SLC5A1: variants seen among roughly 807,000 people sequenced by gnomAD.
SLC5A1 encodes sodium/glucose cotransporter 1.
SLC5A1 carries 42 observed loss-of-function variants against 73.5 expected under a neutral mutation model. The ratio of observed to expected loss-of-function variants is 0.57; its 90% CI spans 0.45 to 0.74. SLC5A1 has a LOEUF of 0.74. SLC5A1 is among the 30% of genes least tolerant of loss of function. The probability of loss-of-function intolerance (pLI) is 0.00; values close to 1 mark genes in which losing one functional copy is unlikely to be tolerated. For synonymous variants in SLC5A1, 300 were observed against 317.4 expected (o/e 0.95, Z 0.58); for missense variants, 634 against 855.4 (o/e 0.74, Z 3.23).
intron 11 of SLC5A1, among the ~76,000 whole-genome samples, chr22:32,098,858 G>A (rs528279104): frequency 3.3e-5 from 5 of 151,744 alleles, no homozygotes; most frequent in East Asian, 1.9e-4. Context: ...AGGCCGAGGC[G>A]GGCGGATCAC....
intron 11 of SLC5A1, among the ~76,000 whole-genome samples, chr22:32,098,648 T>C (rs1437914186): frequency 1.3e-5 from 2 of 152,244 alleles, no homozygotes; most frequent in African/African-American, 2.4e-5. Context: ...TTCATAGGCA[T>C]GAATGACTTT....
chr22:32,104,969 T>G, intron 14 of SLC5A1, 78 bp downstream of exon 14: 1 of 1,032,740 alleles, frequency 9.7e-7, no homozygotes, highest in Non-Finnish European at 1.5e-6. Flanking sequence ...AGTTCTTCCC[T>G]AAATAATTTT....
At position 32,110,203 on chromosome 22, in the gene SLC5A1, A is replaced by G; in HGVS notation, c.1985A>G (p.Tyr662Cys). Residue 662 changes from tyrosine to cysteine, a missense_variant, in exon 15 of 15, where the codon TAT becomes TGT. Physicochemically the swap from Tyr to Cys is radical, Grantham distance 194. Transcript: ENST00000266088. ...ACCGTGGCTGTCTTTTGCCATGCATATTTTGCCTGAGTCCTACCTTTTGCT... is the reference window on the plus strand; with the variant it reads ...ACCGTGGCTGTCTTTTGCCATGCATGTTTTGCCTGAGTCCTACCTTTTGCT... ...LVTVAVFCHA[Y>C]FA 2 of 1,612,520 alleles carry G rather than the reference A, an allele frequency of 1.2e-6. No individual in the cohort carries two copies. The highest frequency in any genetic ancestry group is 1.1e-5 in the South Asian group (1 of 91,024).
At chr22:32,066,245 A>T (rs2093972855) in intron 2 of SLC5A1, among the ~76,000 whole-genome samples, 1 of 152,128 alleles carries the variant, frequency 6.6e-6, no homozygotes. Flanking sequence ...ACATGTGCGT[A>T]TCCTTGAAAA....
chr22:32,055,593 T>C (rs1488908170), intron 2 of SLC5A1, among the ~76,000 whole-genome samples: 1 of 152,100 alleles, frequency 6.6e-6, no homozygotes, highest in Non-Finnish European at 1.5e-5. Flanking sequence ...TTCAGGGACA[T>C]TCAGAAGGGA....
At chr22:32,082,361 G>T (rs75547402) in intron 6 of SLC5A1, among the ~76,000 whole-genome samples, 1,801 of 152,258 alleles carry the variant, frequency 0.012, 32 homozygotes, top group African/African-American at 0.041. Context: ...CTGAAGGATC[G>T]TGGGGGTTTG....
Position 32,079,891 on chromosome 22 carries a change from G to A in SLC5A1, c.478-1975G>A, listed in dbSNP as rs73391051. Among the ~76,000 whole-genome samples, 898 of 152,224 alleles carry A rather than the reference G, an allele frequency of 5.9e-3. 6 individuals are homozygous for A. Among genetic ancestry groups the A allele is most frequent in the African/African-American group, 0.016 (651 of 41,542 alleles). ...GGCAAGACTTATGCACAGCAGAGGC[G>A]CCTTCCTCCTCTTGGGCTACTGCAG... On this transcript the variant is annotated intron_variant, in intron 5 of 14. Transcript: ENST00000266088.
chr22:32,100,721 A>C (rs2094034865), intron 12 of SLC5A1, among the ~76,000 whole-genome samples: 1 of 152,068 alleles, frequency 6.6e-6, no homozygotes, highest in Non-Finnish European at 1.5e-5. Context: ...CTAAGAAATA[A>C]TTTTTTTGAG....
At chr22:32,099,450 A>G (rs2094032729) in intron 12 of SLC5A1, 99 bp downstream of exon 12, 1 of 1,189,924 alleles carries the variant, frequency 8.4e-7, no homozygotes, top group Non-Finnish European at 1.2e-6. Flanking sequence ...TTTCCCAGAG[A>G]TCTTGAGCAG....
intron 2 of SLC5A1, among the ~76,000 whole-genome samples, chr22:32,065,944 G>T (rs373397534): frequency 6.6e-6 from 1 of 152,224 alleles, no homozygotes; most frequent in African/African-American, 2.4e-5. Context: ...CATCTGCTTA[G>T]CAAGAATGGG....
At chr22:32,064,573 C>T (rs970739869) in intron 2 of SLC5A1, among the ~76,000 whole-genome samples, 1 of 152,016 alleles carries the variant, frequency 6.6e-6, no homozygotes. Context: ...AAACAACCTG[C>T]CTTCCCCTAG....
At chr22:32,103,990 G>T (rs903063785) in intron 13 of SLC5A1, among the ~76,000 whole-genome samples, 1 of 152,126 alleles carries the variant, frequency 6.6e-6, no homozygotes, top group African/African-American at 2.4e-5. Context: ...TTAACCCAAG[G>T]TCATATTTAT....
rs200684974 is a variant in SLC5A1 at position 32,043,362 on chromosome 22, C to T, written c.81C>T (p.Ala27=). 9.3e-6 allele frequency: 15 copies of T among 1,614,150 alleles called. No individual in the cohort carries two copies. Among genetic ancestry groups the T allele is most frequent in the African/African-American group, 4.0e-5 (3 of 75,062 alleles). ...VETHELIRNA[A]DISIIVIYFV... is the part of the protein sequence containing the mutation. Reference sequence around the variant, plus strand: ...CCCACGAGCTCATTCGCAATGCAGCCGATATCTCCATCATCGTTATCTACT... The same window carrying T: ...CCCACGAGCTCATTCGCAATGCAGCTGATATCTCCATCATCGTTATCTACT... Residue 27 remains alanine, a synonymous_variant, in exon 1 of 15, where the codon GCC becomes GCT. Coordinates refer to ENST00000266088, the MANE Select transcript of SLC5A1 (RefSeq NM_000343.4). The surrounding 1 kb of genome is among the most constrained non-coding windows in gnomAD (Gnocchi z 6.5).
chr22:32,086,365 T>C (rs1306945929), intron 10 of SLC5A1, 38 bp downstream of exon 10: 1 of 1,413,554 alleles, frequency 7.1e-7, no homozygotes, highest in Non-Finnish European at 1.0e-6. Flanking sequence ...GAGTCTTTCT[T>C]GGGAGGCTGA....
chr22:32,074,372 C>G (rs1476549405), intron 5 of SLC5A1, among the ~76,000 whole-genome samples: 2 of 152,214 alleles, frequency 1.3e-5, no homozygotes, highest in African/African-American at 4.8e-5. Context: ...CAGCTCAGAT[C>G]TGGATGGAGC....
At chr22:32,102,335 T>TGAAA (rs2094038091) in intron 13 of SLC5A1, 98 bp downstream of exon 13, 1 of 852,270 alleles carries the variant, frequency 1.2e-6, no homozygotes, top group African/African-American at 1.7e-5. Flanking sequence ...TACATAATAG[T>TGAAA]TGTATATAAT....
At chr22:32,049,484 A>G (rs1179478240) in intron 1 of SLC5A1, among the ~76,000 whole-genome samples, 1 of 142,002 alleles carries the variant, frequency 7.0e-6, no homozygotes, top group African/African-American at 2.6e-5. Context: ...GGCTCAAATG[A>G]TTCTCCCACC....
At chr22:32,045,132 C>T (rs2093935456) in intron 1 of SLC5A1, among the ~76,000 whole-genome samples, 1 of 152,172 alleles carries the variant, frequency 6.6e-6, no homozygotes, top group Admixed American at 6.5e-5. Context: ...TGACTGACTT[C>T]CTCCTTCCAC....
At chr22:32,098,706 C>A (rs1349853864) in intron 11 of SLC5A1, among the ~76,000 whole-genome samples, 1 of 151,966 alleles carries the variant, frequency 6.6e-6, no homozygotes, top group East Asian at 1.9e-4. Flanking sequence ...ATTATTTTTT[C>A]TTGCTGTGGT....
Sources: allele counts gnomAD v4.1 joint callset (sites outside exome capture counted in the v4.1 genomes callset), GRCh38; gene constraint gnomAD v4.1.1; non-coding constraint Gnocchi (gnomAD v3.1); transcripts MANE v1.5; gene names NCBI Gene and HGNC (gene_info 2026-07-23, HGNC 2026-07-21).